DLGAP1: variants seen among roughly 807,000 people sequenced by gnomAD.
The protein encoded by DLGAP1 is disks large-associated protein 1.
Under a neutral mutation model 90.8 loss-of-function variants are expected in DLGAP1, and 11 were observed. The observed-to-expected ratio is 0.12, with a 90% CI of 0.08 to 0.20. DLGAP1 has a LOEUF of 0.20. Ranked by LOEUF, DLGAP1 falls within the 10% of genes least tolerant of loss-of-function variation. The pLI is 1.00. For missense variants in DLGAP1, 1,050 were observed against 1,333.8 expected (o/e 0.79, Z 3.31); for synonymous variants, 558 against 540.7 (o/e 1.03, Z -0.44).
chr18:3,859,709 T>C (rs1405670412), intron 4 of DLGAP1, among the ~76,000 whole-genome samples: 2 of 152,164 alleles, frequency 1.3e-5, no homozygotes, highest in African/African-American at 4.8e-5. Flanking sequence ...GTGTCTTCTC[T>C]AGAAACCTCC....
intron 7 of DLGAP1, among the ~76,000 whole-genome samples, chr18:3,598,876 C>A (rs2056747403): frequency 6.6e-6 from 1 of 152,142 alleles, no homozygotes; most frequent in East Asian, 1.9e-4. Flanking sequence ...TGGCTCACTG[C>A]AACCTTCTGC....
chr18:4,268,998 C>T (rs2079194959), intron 1 of DLGAP1, among the ~76,000 whole-genome samples: 1 of 151,892 alleles, frequency 6.6e-6, no homozygotes, highest in African/African-American at 2.4e-5. Context: ...GTTTTTTGGA[C>T]ATAATTTGAA....
chr18:3,811,138 T>C (rs1598842009), intron 5 of DLGAP1, among the ~76,000 whole-genome samples: 1 of 152,302 alleles, frequency 6.6e-6, no homozygotes, highest in East Asian at 1.9e-4. Context: ...CTAACAATTG[T>C]ATGCAGTTGA....
At chr18:4,138,548 G>C (rs533695695) in intron 2 of DLGAP1, among the ~76,000 whole-genome samples, 87 of 152,060 alleles carry the variant, frequency 5.7e-4, no homozygotes, top group African/African-American at 2.1e-3. Flanking sequence ...TAGCATTTCA[G>C]TGAGGATTTT....
At chr18:3,543,269 C>T (rs2052806279) in intron 9 of DLGAP1, among the ~76,000 whole-genome samples, 1 of 150,974 alleles carries the variant, frequency 6.6e-6, no homozygotes, top group Admixed American at 6.6e-5. Context: ...CTCCCGCGTT[C>T]ACGCCATTCT....
At chr18:4,182,362 T>C (rs2077223323) in intron 1 of DLGAP1, among the ~76,000 whole-genome samples, 2 of 151,978 alleles carry the variant, frequency 1.3e-5, no homozygotes, top group Admixed American at 1.3e-4. Flanking sequence ...TGAAGAGAGT[T>C]TTTCACCCTT....
chr18:3,499,338 C>A lies in DLGAP1; in HGVS notation c.2781G>T (p.Leu927=). 1 of 1,559,816 alleles carries A rather than the reference C, an allele frequency of 6.4e-7. No individual in the cohort carries two copies. The highest frequency in any genetic ancestry group is 8.7e-7 in the Non-Finnish European group (1 of 1,152,918). ...AGCTCTCCAGCGAGCGCTCCCGGAT[C>A]AGCGGCGCGGGGCCCTTCGCCGGCT... ...PKKPAKGPAP[L]IRERSLESSQ... is the part of the protein sequence containing the mutation. The change falls in exon 13 of 13, where the codon CTG becomes CTT. Residue 927 remains leucine (L), a synonymous_variant. Transcript: ENST00000315677. The surrounding 1 kb of genome is among the most constrained non-coding windows in gnomAD (Gnocchi z 6.4).
intron 1 of DLGAP1, among the ~76,000 whole-genome samples, chr18:4,178,257 T>TCACACACAC (rs1568436238): frequency 8.5e-6 from 1 of 117,108 alleles, no homozygotes; most frequent in African/African-American, 3.6e-5. Context: ...ACACACACAT[T>TCACACACAC]AGAGATAGGG....
chr18:3,509,569 C>T (rs2050425058), intron 10 of DLGAP1, among the ~76,000 whole-genome samples: 1 of 152,126 alleles, frequency 6.6e-6, no homozygotes, highest in African/African-American at 2.4e-5. Context: ...CTCTCATGGT[C>T]GGGAAGGAAT....
At chr18:3,730,529 C>T (rs1454228919) in intron 6 of DLGAP1, among the ~76,000 whole-genome samples, 4 of 152,102 alleles carry the variant, frequency 2.6e-5, no homozygotes, top group Non-Finnish European at 5.9e-5. Context: ...GAGCATTTCT[C>T]AATTTTCTGT....
chr18:3,857,130 G>A (rs1239109930), intron 4 of DLGAP1, among the ~76,000 whole-genome samples: 8 of 152,042 alleles, frequency 5.3e-5, no homozygotes, highest in Admixed American at 5.2e-4. Flanking sequence ...AACAAAAAGA[G>A]CCGAAAACCT....
intron 1 of DLGAP1, among the ~76,000 whole-genome samples, chr18:4,364,284 A>C (rs2081705541): frequency 1.4e-5 from 2 of 145,252 alleles, no homozygotes; most frequent in South Asian, 4.6e-4. Context: ...GAGGGATAGC[A>C]TTAGGAGATA....
In DLGAP1 at chr18:3,739,562, T is replaced by C. The variant is rs1406920632; in HGVS notation, c.1350+2773A>G. On this transcript the variant is annotated intron_variant, in intron 6 of 12. Coordinates refer to ENST00000315677, the MANE Select transcript of DLGAP1 (RefSeq NM_004746.4). ...AACACCGCATATTCTCACTCATAGGTGGGAATTGAACAATGAGATCACATG... is the reference window on the plus strand; with the variant it reads ...AACACCGCATATTCTCACTCATAGGCGGGAATTGAACAATGAGATCACATG... 9.6e-5 allele frequency among the ~76,000 whole-genome samples: 13 copies of C among 135,174 alleles called. No homozygotes were observed. The East Asian group carries it at 2.7e-3, about 28-fold the overall frequency. The allele number at this position is 135,174 out of a possible 152,430, so 88.7% of individuals were successfully genotyped here.
chr18:3,596,894 A>G (rs979137498), intron 7 of DLGAP1: 1 of 520,114 alleles, frequency 1.9e-6, no homozygotes, highest in Non-Finnish European at 3.8e-6. Context: ...TGCCGCCAGC[A>G]TGATCTAGCA....
chr18:3,508,810 T>A, intron 10 of DLGAP1, 149 bp from the exon 11 acceptor site: 1 of 579,754 alleles, frequency 1.7e-6, no homozygotes, highest in Non-Finnish European at 3.0e-6. Context: ...GACAGCCCAA[T>A]CACTGTTGTC....
At chr18:3,569,581 T>C (rs1439510620) in intron 8 of DLGAP1, among the ~76,000 whole-genome samples, 1 of 151,974 alleles carries the variant, frequency 6.6e-6, no homozygotes, top group Non-Finnish European at 1.5e-5. Context: ...TTTAAAAGTC[T>C]TCTTGTATTT....
intron 1 of DLGAP1, among the ~76,000 whole-genome samples, chr18:4,420,616 C>T (rs769967210): frequency 6.6e-6 from 1 of 152,110 alleles, no homozygotes; most frequent in Non-Finnish European, 1.5e-5. Flanking sequence ...AGACCTCATC[C>T]ATACCCAAGG....
chr18:4,447,588 G>C (rs149473057), intron 1 of DLGAP1, among the ~76,000 whole-genome samples: 1,713 of 152,152 alleles, frequency 0.011, 11 homozygotes, highest in Middle Eastern at 0.027. Flanking sequence ...TTCACCATCT[G>C]GGTGGTGGAC....
At chr18:4,432,592 G>GTGTGTGTGCA (rs1567918246) in intron 1 of DLGAP1, among the ~76,000 whole-genome samples, 2 of 108,160 alleles carry the variant, frequency 1.8e-5, no homozygotes, top group Non-Finnish European at 3.9e-5. Context: ...CTCACATAGT[G>GTGTGTGTGCA]TGTGTGTGTG....
Sources: allele counts gnomAD v4.1 joint callset (sites outside exome capture counted in the v4.1 genomes callset), GRCh38; gene constraint gnomAD v4.1.1; non-coding constraint Gnocchi (gnomAD v3.1); transcripts MANE v1.5; gene names NCBI Gene and HGNC (gene_info 2026-07-23, HGNC 2026-07-21).